PHTF1: variants seen among roughly 807,000 people sequenced by gnomAD.
The protein encoded by PHTF1 is putative homeodomain transcription factor 1.
PHTF1 carries 88 observed loss-of-function variants against 102.4 expected under a neutral mutation model. The ratio of observed to expected loss-of-function variants is 0.86; its 90% CI spans 0.72 to 1.03. The LOEUF (loss-of-function observed/expected upper bound fraction) is 1.03. Ranked by LOEUF, PHTF1 falls within the 50% of genes least tolerant of loss-of-function variation. The pLI is 0.00. For synonymous variants in PHTF1, 289 were observed against 305.2 expected (o/e 0.95, Z 0.55); for missense variants, 814 against 909.5 (o/e 0.89, Z 1.35).
chr1:113,758,462 C>T (rs1262576032), intron 2 of PHTF1, among the ~76,000 whole-genome samples, 197 bp downstream of exon 2: 1 of 150,790 alleles, frequency 6.6e-6, no homozygotes, highest in Non-Finnish European at 1.5e-5. Context: ...GGCTTGTAAA[C>T]CTTATTCTGG....
intron 3 of PHTF1, among the ~76,000 whole-genome samples, chr1:113,740,987 C>T (rs1277618999): frequency 6.6e-6 from 1 of 152,176 alleles, no homozygotes; most frequent in Non-Finnish European, 1.5e-5. Flanking sequence ...GCTGAGATCA[C>T]ACCACTACAC....
At chr1:113,757,083 C>T (rs912893865) in intron 3 of PHTF1, among the ~76,000 whole-genome samples, 1 of 152,082 alleles carries the variant, frequency 6.6e-6, no homozygotes, top group Non-Finnish European at 1.5e-5. Flanking sequence ...AGGAAAATGG[C>T]GTGAACCCAG....
At chr1:113,713,675 T>C (rs1209796122) in intron 7 of PHTF1, 3 of 426,786 alleles carry the variant, frequency 7.0e-6, no homozygotes, top group African/African-American at 2.1e-5. Flanking sequence ...AGGAAGCATA[T>C]ACTTTTCAGT....
chr1:113,710,811 T>TATATA (rs1553224753), intron 10 of PHTF1, among the ~76,000 whole-genome samples: 175 of 83,124 alleles, frequency 2.1e-3, no homozygotes, highest in African/African-American at 4.7e-3. Context: ...TATATATATA[T>TATATA]TTTTTTTTTT....
In PHTF1 at chr1:113,711,791, T is replaced by C; in HGVS notation, c.1002A>G (p.Ser334=). Residue 334 remains serine (S), a synonymous_variant, in exon 10 of 19, where the codon TCA becomes TCG. Transcript: ENST00000369604. ...TTRWCHIVRD[S]DSLAESEFES... ...CAAATTCTGATTCAGCCAGACTATC[T>C]GAATCCCGCACAATATGACACCACC... The C allele has an allele frequency of 3.1e-6, 5 of 1,614,110 alleles. No individual in the cohort carries two copies. Among genetic ancestry groups the C allele is most frequent in the Non-Finnish European group, 3.4e-6 (4 of 1,179,954 alleles).
intron 5 of PHTF1, among the ~76,000 whole-genome samples, chr1:113,727,629 T>C (rs1654040382): frequency 1.3e-5 from 2 of 152,206 alleles, no homozygotes; most frequent in Admixed American, 6.5e-5. Flanking sequence ...GTAATTTTGA[T>C]CACATCTATA....
At chr1:113,728,673 C>T (rs141149955) in intron 5 of PHTF1, among the ~76,000 whole-genome samples, 6 of 152,276 alleles carry the variant, frequency 3.9e-5, no homozygotes, top group Non-Finnish European at 7.4e-5. Context: ...CTTTGAGAGG[C>T]CAAAGTGAGC....
chr1:113,699,712 A>G lies in PHTF1; in HGVS notation c.2134T>C (p.Leu712=). Residue 712 remains leucine, a synonymous_variant, in exon 17 of 19, where the codon TTG becomes CTG. Coordinates refer to ENST00000369604, the MANE Select transcript of PHTF1 (RefSeq NM_001323043.2). ...CATAGCCTATGACTTACTTTCAACA[A>G]CTTGGTGGACAGCTTTAATACATTG... The part of the protein sequence containing the change: ...VNNVLKLSTK[L]LKELDTPFRL... 7.2e-7 allele frequency: 1 copy of G among 1,398,504 alleles called. No homozygotes were observed. Among genetic ancestry groups the G allele is most frequent in the Non-Finnish European group, 1.0e-6 (1 of 997,802 alleles). The allele number at this position is 1,398,504 out of a possible 1,614,324, so 86.6% of individuals were successfully genotyped here.
At chr1:113,737,048 T>A (rs1655606870) in intron 5 of PHTF1, among the ~76,000 whole-genome samples, 1 of 152,194 alleles carries the variant, frequency 6.6e-6, no homozygotes, top group African/African-American at 2.4e-5. Flanking sequence ...GTTATTCCAG[T>A]GGTCTAAGCA....
chr1:113,730,623 G>A (rs1457428226), intron 5 of PHTF1, among the ~76,000 whole-genome samples: 2 of 152,144 alleles, frequency 1.3e-5, no homozygotes, highest in Admixed American at 1.3e-4. Context: ...TAAAGCGGCT[G>A]GTTATAACAA....
At chr1:113,756,053 C>T (rs569328565) in intron 3 of PHTF1, among the ~76,000 whole-genome samples, 11 of 138,186 alleles carry the variant, frequency 8.0e-5, no homozygotes, top group African/African-American at 2.5e-4. Context: ...GGTGACAGAG[C>T]GAGACTCTGT....
In PHTF1 at chr1:113,712,002, T is replaced by G; in HGVS notation, c.895A>C (p.Ser299Arg). The G allele has an allele frequency of 7.4e-6, 12 of 1,614,098 alleles. No individual in the cohort carries two copies. Among genetic ancestry groups the G allele is most frequent in the Non-Finnish European group, 1.0e-5 (12 of 1,179,946 alleles). The change falls in exon 9 of 19, where the codon AGT (serine) becomes CGT (arginine). Residue 299 changes from serine (S) to arginine (R), a missense_variant. Transcript: ENST00000369604. ...TTCTTAACTTCACAACCATTGTCAC[T>G]TGAGGCCCCTTCCACACTCCTACGC... ...LLRRSVEGAS[S>R]DNGCEVKNRK... is the part of the protein sequence containing the mutation.
At chr1:113,722,982 G>A (rs1653225412) in intron 7 of PHTF1, among the ~76,000 whole-genome samples, 1 of 150,002 alleles carries the variant, frequency 6.7e-6, no homozygotes, top group South Asian at 2.1e-4. Context: ...AAATTATATG[G>A]AATCACAAAA....
chr1:113,698,414 T>C, intron 17 of PHTF1, 27 bp from the exon 18 acceptor site: 2 of 1,605,926 alleles, frequency 1.2e-6, no homozygotes, highest in South Asian at 2.2e-5. Flanking sequence ...AGAATTGAAA[T>C]GAGATACATG....
At chr1:113,708,065 A>G (rs1125352) in intron 11 of PHTF1, among the ~76,000 whole-genome samples, 1 of 152,212 alleles carries the variant, frequency 6.6e-6, no homozygotes, top group Non-Finnish European at 1.5e-5. Context: ...ATGAGACTGT[A>G]TTAGAACAAA....
At position 113,758,640 on chromosome 1, in the gene PHTF1, A is replaced by T. The variant is rs1659247256; in HGVS notation, c.45+19T>A. ...AGGAAGAATGCTTTACAAATAAAAAAAATATATATATGTATTACCTTCTTT... is the reference window on the plus strand; with the variant it reads ...AGGAAGAATGCTTTACAAATAAAAATAATATATATATGTATTACCTTCTTT... On this transcript the variant is annotated intron_variant, in intron 2 of 18. Transcript: ENST00000369604. 7.0e-7 allele frequency: 1 copy of T among 1,433,642 alleles called. No homozygotes were observed. Among genetic ancestry groups the T allele is most frequent in the African/African-American group, 1.4e-5 (1 of 69,250 alleles). 88.8% of individuals were successfully genotyped at this position (1,433,642 alleles called of 1,614,324 possible).
In PHTF1 at chr1:113,698,362, TAG is replaced by T. The variant is rs1475610889; in HGVS notation, c.2166_2167del (p.Tyr723TrpfsTer26). 2.5e-6 allele frequency: 4 copies of T among 1,611,498 alleles called. No individual in the cohort carries two copies. The African/African-American group carries it at 5.3e-5, about 22-fold the overall frequency. On this transcript the variant is annotated frameshift_variant, in exon 18 of 19. Coordinates refer to ENST00000369604, the MANE Select transcript of PHTF1 (RefSeq NM_001323043.2). LOFTEE classifies it high-confidence loss of function. Reference sequence around the variant, plus strand: ...GATTAAGGGATTCATTGTCAGTCCATAGAGTCTAAATGGTGTGTCCAGCTCCT... The same window carrying T: ...GATTAAGGGATTCATTGTCAGTCCATAGTCTAAATGGTGTGTCCAGCTCCT...
At chr1:113,743,842 T>G (rs926333834) in intron 3 of PHTF1, among the ~76,000 whole-genome samples, 4 of 152,194 alleles carry the variant, frequency 2.6e-5, no homozygotes, top group African/African-American at 9.7e-5. Context: ...CTCACAAATG[T>G]CCTATGAGAT....
At chr1:113,758,994 T>G in intron 1 of PHTF1, 29 bp downstream of exon 1, 1 of 1,064,674 alleles carries the variant, frequency 9.4e-7, no homozygotes, top group African/African-American at 1.7e-5. Context: ...GGCACCCGCC[T>G]CCTTCGCTCG....
Sources: gnomAD v4.1 joint callset for allele counts (sites outside exome capture counted in the v4.1 genomes callset) on GRCh38, gnomAD v4.1.1 for gene constraint, MANE v1.5 for transcripts, NCBI Gene and HGNC (gene_info 2026-07-23, HGNC 2026-07-21) for gene names.